The following TMCC1 variants were observed in gnomAD, a reference collection of about 807,000 sequenced individuals.
The protein encoded by TMCC1 is transmembrane and coiled-coil domain family 1.
Under a neutral mutation model 52.4 loss-of-function variants are expected in TMCC1, and 15 were observed. The observed-to-expected ratio is 0.29, with a 90% CI of 0.19 to 0.44. The LOEUF (loss-of-function observed/expected upper bound fraction) is 0.44. Among genes scored for constraint, TMCC1 ranks in the 20% least tolerant of loss-of-function variants. The pLI, the probability that TMCC1 is intolerant of heterozygous loss-of-function variation, is 1.00. For missense variants in TMCC1, 503 were observed against 806.0 expected, an observed-to-expected ratio of 0.62 and a Z score of 4.55; for synonymous variants, 279 against 301.9, an observed-to-expected ratio of 0.92 and a Z score of 0.79.
intron 4 of TMCC1, among the ~76,000 whole-genome samples, chr3:129,779,464 C>T (rs948692054): frequency 6.6e-5 from 10 of 152,080 alleles, no homozygotes; most frequent in African/African-American, 2.4e-4. Flanking sequence ...AATATGACAT[C>T]AAATTTTAGA....
At chr3:129,695,105 A>AAAAG in intron 4 of TMCC1, among the ~76,000 whole-genome samples, 1 of 99,584 alleles carries the variant, frequency 1.0e-5, no homozygotes, top group South Asian at 4.4e-4. Context: ...TCAAAAAAAA[A>AAAAG]AAAAAAAAAA....
At chr3:129,818,425 T>G (rs145715521) in intron 4 of TMCC1, among the ~76,000 whole-genome samples, 2 of 146,476 alleles carry the variant, frequency 1.4e-5, no homozygotes, top group Non-Finnish European at 3.0e-5. Context: ...AGAAAAGTTT[T>G]AAAGAAACTT....
At chr3:129,725,304 G>T (rs58658884) in intron 4 of TMCC1, among the ~76,000 whole-genome samples, 20,783 of 151,972 alleles carry the variant, frequency 0.14, 2,112 homozygotes, top group East Asian at 0.53. Context: ...TAGAGATGGG[G>T]TTTCACCATG....
chr3:129,786,627 C>T (rs895200826), intron 4 of TMCC1, among the ~76,000 whole-genome samples: 6 of 152,156 alleles, frequency 3.9e-5, no homozygotes, highest in Admixed American at 6.5e-5. Context: ...TATTTATTCA[C>T]CATTAATTTC....
At chr3:129,733,351 CA>C (rs2050693867) in intron 4 of TMCC1, among the ~76,000 whole-genome samples, 1 of 152,204 alleles carries the variant, frequency 6.6e-6, no homozygotes, top group Non-Finnish European at 1.5e-5. Flanking sequence ...CAGATGCTAT[CA>C]GTTCAATGGC....
intron 4 of TMCC1, among the ~76,000 whole-genome samples, chr3:129,820,463 G>GC (rs1185806329): frequency 1.3e-5 from 2 of 152,012 alleles, no homozygotes; most frequent in Non-Finnish European, 2.9e-5. Flanking sequence ...ATTCATGCCT[G>GC]CAGAGGCATT....
rs2087915103 is a variant in TMCC1, at chr3:129,671,261, C to T, written c.580G>A (p.Glu194Lys). The T allele has an allele frequency of 6.2e-7, 1 of 1,606,020 alleles. No homozygotes were observed. The highest frequency in any genetic ancestry group is 8.5e-7 in the Non-Finnish European group (1 of 1,175,132). Residue 194 changes from glutamate to lysine, a missense_variant, in exon 5 of 7, where the codon GAA (glutamate) becomes AAA (lysine). Glu to Lys is a moderately conservative substitution (Grantham distance 56). This residue lies in a region of TMCC1 where 217 missense variants were observed against 297.9 expected (regional missense o/e 0.73). Transcript: ENST00000393238. ...PGEEGTAERIERLEVSSLAQT... is the reference protein window; with the variant it reads ...PGEEGTAERIKRLEVSSLAQT... ...GCAAGGCTGCTTACTTCCAACCGTT[C>T]GATCTAGTGTAAAAACAAGAGGTAC...
rs1165357083 is a variant in TMCC1, at chr3:129,764,777, ATATATATATATATTTTTTTTTTTTTT to A, written c.576+63000_576+63025del. On this transcript the variant is annotated intron_variant, in intron 4 of 6. Transcript: ENST00000393238. ...TGTGTGTATATATATATATATATATATATATATATATATTTTTTTTTTTTTTTTTTTTTTTTTTTTTTGAGATGGGG... is the reference window on the plus strand; with the variant it reads ...TGTGTGTATATATATATATATATATATTTTTTTTTTTTTTTTGAGATGGGG... Among the ~76,000 whole-genome samples, 186 of 70,934 alleles carry A rather than the reference ATATATATATATATTTTTTTTTTTTTT, an allele frequency of 2.6e-3. 3 individuals carry two copies. Among genetic ancestry groups the A allele is most frequent in the African/African-American group, 0.012 (180 of 15,540 alleles). 46.5% of individuals were successfully genotyped at this position (70,934 alleles called of 152,430 possible).
intron 4 of TMCC1, among the ~76,000 whole-genome samples, chr3:129,693,250 TAGAG>T (rs1317210286): frequency 6.6e-6 from 1 of 152,160 alleles, no homozygotes; most frequent in Admixed American, 6.6e-5. Flanking sequence ...ATAATTTTCT[TAGAG>T]AGCACAATAA....
intron 5 of TMCC1, among the ~76,000 whole-genome samples, chr3:129,658,286 ACTTC>A (rs1199478375): frequency 6.6e-6 from 1 of 152,236 alleles, no homozygotes; most frequent in Admixed American, 6.5e-5. Flanking sequence ...CACAACATGG[ACTTC>A]CTTCCTACTG....
At chr3:129,728,433 C>T (rs1452060800) in intron 4 of TMCC1, among the ~76,000 whole-genome samples, 2 of 152,110 alleles carry the variant, frequency 1.3e-5, no homozygotes, top group Non-Finnish European at 2.9e-5. Context: ...TTACAGGCGC[C>T]GGCCACCACG....
intron 4 of TMCC1, among the ~76,000 whole-genome samples, chr3:129,784,516 A>G (rs1356978075): frequency 2.6e-5 from 4 of 151,872 alleles, no homozygotes; most frequent in African/African-American, 9.7e-5. Context: ...CAGTGAGCCA[A>G]GATCGCGCCA....
chr3:129,701,565 G>A (rs190095013), intron 4 of TMCC1, among the ~76,000 whole-genome samples: 1 of 152,306 alleles, frequency 6.6e-6, no homozygotes, highest in East Asian at 1.9e-4. Context: ...TATAAATAAG[G>A]CAAGTACTTT....
chr3:129,752,138 A>G (rs1338166402), intron 4 of TMCC1, among the ~76,000 whole-genome samples: 1 of 152,234 alleles, frequency 6.6e-6, no homozygotes, highest in Admixed American at 6.5e-5. Context: ...CCCAGCTGTC[A>G]GCATAAACTT....
At chr3:129,751,227 GA>G (rs1227925224) in intron 4 of TMCC1, among the ~76,000 whole-genome samples, 1 of 149,178 alleles carries the variant, frequency 6.7e-6, no homozygotes, top group Non-Finnish European at 1.5e-5. Context: ...AAAAATTCGG[GA>G]AAAAAAAGAC....
At chr3:129,710,941 T>G (rs747410092) in intron 4 of TMCC1, among the ~76,000 whole-genome samples, 9 of 152,220 alleles carry the variant, frequency 5.9e-5, no homozygotes, top group Admixed American at 2.0e-4. Context: ...CTCAGCTCAC[T>G]GCAACCTCCG....
In TMCC1 at chr3:129,671,155, C is replaced by A. The variant is rs755783729; in HGVS notation, c.686G>T (p.Arg229Leu). The change falls in exon 5 of 7, where the codon CGC (arginine) becomes CTC (leucine). Residue 229 changes from arginine to leucine, a missense_variant. Arg to Leu is a moderately radical substitution (Grantham distance 102). This residue lies in a region of TMCC1 where 217 missense variants were observed against 297.9 expected (regional missense o/e 0.73). Coordinates refer to ENST00000393238, the MANE Select transcript of TMCC1 (RefSeq NM_001017395.5). The stretch of plus-strand genomic sequence containing the variant: ...CAGGTGAGCAATGGCAGCCTTTGTG[C>A]GCTGAGGGTCTGGTGTTCCATCCAC... ...DSVDGTPDPQ[R>L]TKAAIAHLQQ... 3.7e-6 allele frequency: 6 copies of A among 1,614,132 alleles called. No homozygotes were observed. The highest frequency in any genetic ancestry group is 5.1e-6 in the Non-Finnish European group (6 of 1,180,024).
At chr3:129,663,969 T>C (rs2087248261) in intron 5 of TMCC1, among the ~76,000 whole-genome samples, 1 of 152,228 alleles carries the variant, frequency 6.6e-6, no homozygotes, top group African/African-American at 2.4e-5. Context: ...TTATGTAATC[T>C]ACTCAGAGCT....
At chr3:129,723,737 T>C (rs1268145441) in intron 4 of TMCC1, among the ~76,000 whole-genome samples, 1 of 152,138 alleles carries the variant, frequency 6.6e-6, no homozygotes, top group African/African-American at 2.4e-5. Flanking sequence ...CATATTATGC[T>C]TCTCCATTAT....
Sources: gnomAD v4.1 joint callset for allele counts (sites outside exome capture counted in the v4.1 genomes callset) on GRCh38, gnomAD v4.1.1 for gene constraint, gnomAD v4.1.1 regional missense constraint, MANE v1.5 for transcripts, NCBI Gene and HGNC (gene_info 2026-07-23, HGNC 2026-07-21) for gene names.